Variants in SAMD5 observed in about 807,000 individuals in gnomAD.
SAMD5 encodes the protein sterile alpha motif domain containing 5, also known as sterile alpha motif domain-containing protein 5.
In SAMD5, 13 loss-of-function variants were observed where a neutral mutation model predicts 11.3. The observed-to-expected ratio is 1.15, with a 90% confidence interval of 0.75 to 1.83. The LOEUF (loss-of-function observed/expected upper bound fraction) is 1.83. Ranked by LOEUF, SAMD5 falls within the 40% of genes most tolerant of loss-of-function variation. The probability of loss-of-function intolerance (pLI) is 0.00; values close to 1 mark genes in which losing one functional copy is unlikely to be tolerated. For synonymous variants in SAMD5, 129 were observed against 111.3 expected (o/e 1.16, Z -1.00); for missense variants, 255 against 239.1 (o/e 1.07, Z -0.44).
At chr6:147,632,776 T>C (rs1382421756) in intron 1 of SAMD5, among the ~76,000 whole-genome samples, 2 of 152,224 alleles carry the variant, frequency 1.3e-5, no homozygotes, top group Admixed American at 1.3e-4. Context: ...TTAAAAATAA[T>C]ATTATTTTTC....
At chr6:147,511,627 C>CAA (rs35910441) in intron 1 of SAMD5, among the ~76,000 whole-genome samples, 33 of 136,620 alleles carry the variant, frequency 2.4e-4, no homozygotes, top group Admixed American at 2.9e-4. Flanking sequence ...AGTTGGGGAC[C>CAA]AAAAAAAAAA....
intron 1 of SAMD5, among the ~76,000 whole-genome samples, chr6:147,728,398 A>G (rs564407069): frequency 4.4e-4 from 67 of 152,298 alleles, no homozygotes; most frequent in African/African-American, 1.6e-3. Flanking sequence ...AGCCTGGGTG[A>G]CAGAACAAGA....
At chr6:147,901,420 G>C in the SAMD5 span, among the ~76,000 whole-genome samples, 1 of 139,138 alleles carries the variant, frequency 7.2e-6, no homozygotes, top group Non-Finnish European at 1.5e-5. Context: ...TGACAATTTG[G>C]TATGGTTACA....
At chr6:147,633,352 C>T (rs879664830) in intron 1 of SAMD5, among the ~76,000 whole-genome samples, 3 of 152,224 alleles carry the variant, frequency 2.0e-5, no homozygotes, top group Non-Finnish European at 2.9e-5. Flanking sequence ...AGTTTCCTGA[C>T]CCGAGGGCTC....
the SAMD5 span, among the ~76,000 whole-genome samples, chr6:147,863,140 T>C: frequency 6.6e-6 from 1 of 152,188 alleles, no homozygotes; most frequent in Non-Finnish European, 1.5e-5. Context: ...ATCCTTGTCA[T>C]AGGTAAAGGG....
the SAMD5 span, among the ~76,000 whole-genome samples, chr6:147,910,556 G>A: frequency 6.6e-6 from 1 of 152,122 alleles, no homozygotes; most frequent in Non-Finnish European, 1.5e-5. Context: ...TGAGTCGAAA[G>A]GCTCATGTTG....
At chr6:147,560,396 TC>T (rs1788929214) in intron 1 of SAMD5, among the ~76,000 whole-genome samples, 1 of 152,190 alleles carries the variant, frequency 6.6e-6, no homozygotes. Flanking sequence ...AAAGCAACAC[TC>T]CTACTGTCAT....
At chr6:147,859,342 A>G in the SAMD5 span, among the ~76,000 whole-genome samples, 7 of 152,202 alleles carry the variant, frequency 4.6e-5, no homozygotes, top group Non-Finnish European at 7.3e-5. Flanking sequence ...ATAGGAAACA[A>G]TTGAAAGAAC....
At chr6:147,594,571 T>C (rs844614) in intron 1 of SAMD5, among the ~76,000 whole-genome samples, 45,223 of 152,046 alleles carry the variant, frequency 0.3, 7,020 homozygotes, top group African/African-American at 0.39. Flanking sequence ...CTATTATTAT[T>C]AAACAGATAT....
the SAMD5 span, among the ~76,000 whole-genome samples, chr6:147,822,631 T>A: frequency 6.6e-6 from 1 of 152,158 alleles, no homozygotes; most frequent in Non-Finnish European, 1.5e-5. Context: ...GTGTCAACCC[T>A]TGGTTATAAG....
chr6:147,550,080 T>C (rs1312719120), intron 1 of SAMD5, among the ~76,000 whole-genome samples: 1 of 151,446 alleles, frequency 6.6e-6, no homozygotes, highest in Non-Finnish European at 1.5e-5. Context: ...CCTTTGTCTC[T>C]AAAAAAATAA....
At chr6:147,557,719 C>T (rs1295753365) in intron 1 of SAMD5, among the ~76,000 whole-genome samples, 4 of 152,176 alleles carry the variant, frequency 2.6e-5, no homozygotes, top group Non-Finnish European at 5.9e-5. Flanking sequence ...TCTGAGGTTC[C>T]AGGTGGATGT....
chr6:147,673,788 T>C (rs1407489618), intron 1 of SAMD5, among the ~76,000 whole-genome samples: 1 of 152,114 alleles, frequency 6.6e-6, no homozygotes, highest in African/African-American at 2.4e-5. Context: ...TCTAGAGTGT[T>C]GTCAATAAGA....
chr6:147,902,905 T>C, the SAMD5 span, among the ~76,000 whole-genome samples: 4 of 152,360 alleles, frequency 2.6e-5, no homozygotes, highest in African/African-American at 9.6e-5. Context: ...AAATTCCTTT[T>C]TGGATTTCCT....
the SAMD5 span, among the ~76,000 whole-genome samples, chr6:147,812,060 A>T: frequency 6.6e-6 from 1 of 152,106 alleles, no homozygotes; most frequent in Non-Finnish European, 1.5e-5. Flanking sequence ...GGTAGCCAAG[A>T]ACCAAGGAGA....
chr6:147,692,169 T>G (rs776678270), intron 1 of SAMD5, among the ~76,000 whole-genome samples: 1 of 152,198 alleles, frequency 6.6e-6, no homozygotes, highest in African/African-American at 2.4e-5. Flanking sequence ...ATCTCATATG[T>G]TTCTTCATTG....
chr6:147,612,968 G>A (rs550031674), intron 1 of SAMD5, among the ~76,000 whole-genome samples: 1 of 152,184 alleles, frequency 6.6e-6, no homozygotes, highest in South Asian at 2.1e-4. Flanking sequence ...GGAGGCCTAG[G>A]CGGGTAGATC....
intron 1 of SAMD5, among the ~76,000 whole-genome samples, chr6:147,706,348 A>G (rs1197542889): frequency 6.6e-6 from 1 of 152,078 alleles, no homozygotes; most frequent in Non-Finnish European, 1.5e-5. Context: ...CAGCCTCCTG[A>G]GTAGTTGGGA....
intron 1 of SAMD5, among the ~76,000 whole-genome samples, chr6:147,530,406 C>A (rs139633444): frequency 6.6e-6 from 1 of 152,226 alleles, no homozygotes; most frequent in Non-Finnish European, 1.5e-5. Context: ...GCGGCAGGTG[C>A]GGATGGCTTT....
Sources: gnomAD v4.1 joint callset for allele counts (sites outside exome capture counted in the v4.1 genomes callset) on GRCh38, gnomAD v4.1.1 for gene constraint, MANE v1.5 for transcripts, NCBI Gene and HGNC (gene_info 2026-07-23, HGNC 2026-07-21) for gene names.